Variants in ACSS3 observed in about 807,000 individuals in gnomAD.
ACSS3 encodes acyl-CoA synthetase short chain family member 3, also known as acyl-CoA synthetase short-chain family member 3, mitochondrial.
In ACSS3, 64 loss-of-function variants were observed where a neutral mutation model predicts 84.2. The observed-to-expected ratio is 0.76, with a 90% confidence interval of 0.62 to 0.94. The LOEUF (loss-of-function observed/expected upper bound fraction) is 0.94. ACSS3 is among the 40% of genes least tolerant of loss of function. The pLI is 0.00. For synonymous variants in ACSS3, 317 were observed against 310.1 expected (o/e 1.02, Z -0.23); for missense variants, 815 against 867.6 (o/e 0.94, Z 0.76).
At chr12:81,135,384 A>T in intron 3 of ACSS3, among the ~76,000 whole-genome samples, 1 of 134,800 alleles carries the variant, frequency 7.4e-6, no homozygotes, top group African/African-American at 3.1e-5. Flanking sequence ...TATATAATAT[A>T]TAATACAATA....
chr12:81,152,149 T>C (rs1441247441), intron 7 of ACSS3, 53 bp downstream of exon 7: 23 of 1,491,138 alleles, frequency 1.5e-5, no homozygotes, highest in Non-Finnish European at 2.0e-5. Flanking sequence ...TTATTAAAAC[T>C]TTTCATGAAG....
At chr12:81,078,968 T>A (rs964266614) in intron 1 of ACSS3, among the ~76,000 whole-genome samples, 2 of 152,098 alleles carry the variant, frequency 1.3e-5, no homozygotes, top group African/African-American at 4.8e-5. Context: ...ACTGAGACAG[T>A]GACTGCCAAT....
intron 2 of ACSS3, among the ~76,000 whole-genome samples, chr12:81,118,451 T>C (rs1403786613): frequency 6.6e-6 from 1 of 152,158 alleles, no homozygotes; most frequent in Non-Finnish European, 1.5e-5. Flanking sequence ...GGACATGCTA[T>C]TTTAATATCC....
intron 3 of ACSS3, among the ~76,000 whole-genome samples, chr12:81,138,832 GT>G (rs1337890364): frequency 2.0e-5 from 3 of 152,090 alleles, no homozygotes; most frequent in Admixed American, 2.0e-4. Flanking sequence ...CATTGTACTA[GT>G]TTATGGCAAA....
chr12:81,199,160 G>A (rs2031984710), intron 8 of ACSS3, among the ~76,000 whole-genome samples, 181 bp from the exon 9 acceptor site: 1 of 152,138 alleles, frequency 6.6e-6, no homozygotes, highest in Admixed American at 6.5e-5. Context: ...TGTGATGTAT[G>A]TTTGTTTACA....
chr12:81,090,411 A>C (rs12313364), intron 1 of ACSS3, among the ~76,000 whole-genome samples: 9,852 of 152,044 alleles, frequency 0.065, 790 homozygotes, highest in African/African-American at 0.19. Context: ...GTAATAGGAG[A>C]GTAGGGTTCA....
chr12:81,215,287 A>G (rs77230762), intron 9 of ACSS3, among the ~76,000 whole-genome samples: 256 of 151,520 alleles, frequency 1.7e-3, no homozygotes, highest in Non-Finnish European at 2.7e-3. Context: ...ACTCTTTGTT[A>G]AACATCAGAA....
At chr12:81,237,552 C>T (rs1173214784) in intron 13 of ACSS3, among the ~76,000 whole-genome samples, 2 of 151,328 alleles carry the variant, frequency 1.3e-5, no homozygotes, top group Non-Finnish European at 3.0e-5. Context: ...TAAATCTTAT[C>T]CCGAGTATTT....
At position 81,146,215 on chromosome 12, in the gene ACSS3, T is replaced by A. The variant is rs546720534; in HGVS notation, c.921+2968T>A. On this transcript the variant is annotated intron_variant, in intron 5 of 15. Coordinates refer to ENST00000548058, the MANE Select transcript of ACSS3 (RefSeq NM_024560.4). ...AAAATTTGACCCAGGTAGAGCAGAA[T>A]ATTTGTTGAATGATCTCTTACTTCT... Among the ~76,000 whole-genome samples, 8 of 152,324 alleles carry A rather than the reference T, an allele frequency of 5.3e-5. No individual in the cohort carries two copies. In the East Asian group the frequency reaches 1.5e-3, roughly 29 times the overall value.
intron 11 of ACSS3, among the ~76,000 whole-genome samples, chr12:81,223,861 C>CT (rs1363094809): frequency 6.6e-6 from 1 of 151,806 alleles, no homozygotes; most frequent in Non-Finnish European, 1.5e-5. Flanking sequence ...AAAAATAGAC[C>CT]ATCTTTTATC....
intron 1 of ACSS3, among the ~76,000 whole-genome samples, chr12:81,096,562 G>T (rs1372292878): frequency 6.6e-6 from 1 of 152,096 alleles, no homozygotes; most frequent in East Asian, 1.9e-4. Flanking sequence ...CATGTGGTTT[G>T]CTGCACCGAT....
At chr12:81,158,491 C>T (rs182186629) in intron 7 of ACSS3, 1 of 153,906 alleles carries the variant, frequency 6.5e-6, no homozygotes. Context: ...TACAGCTTTT[C>T]CTAACATCCC....
chr12:81,187,112 A>G (rs560553222), intron 8 of ACSS3, among the ~76,000 whole-genome samples: 19 of 151,480 alleles, frequency 1.3e-4, no homozygotes, highest in Non-Finnish European at 2.7e-4. Flanking sequence ...ACAGAAAAAT[A>G]TTACATCATC....
At chr12:81,198,593 G>GA (rs199979349) in intron 8 of ACSS3, among the ~76,000 whole-genome samples, 301 of 134,690 alleles carry the variant, frequency 2.2e-3, no homozygotes, top group Admixed American at 6.0e-3. Context: ...ATTTGAAAAT[G>GA]AAAAAAAAAA....
At chr12:81,181,091 C>T (rs954122761) in intron 8 of ACSS3, among the ~76,000 whole-genome samples, 2 of 152,144 alleles carry the variant, frequency 1.3e-5, no homozygotes, top group African/African-American at 4.8e-5. Flanking sequence ...ATCCCAGTGT[C>T]ACTGTGACTG....
chr12:81,113,536 A>G (rs1751399166), intron 2 of ACSS3, among the ~76,000 whole-genome samples: 1 of 152,072 alleles, frequency 6.6e-6, no homozygotes, highest in South Asian at 2.1e-4. Flanking sequence ...CTAGAATCTA[A>G]GTTCCACGAA....
intron 7 of ACSS3, among the ~76,000 whole-genome samples, chr12:81,166,253 A>T (rs1375950328): frequency 1.3e-5 from 2 of 152,192 alleles, no homozygotes; most frequent in Non-Finnish European, 2.9e-5. Context: ...ATTGTAAGAG[A>T]TGAAAAGGGA....
chr12:81,259,593 A>G lies in ACSS3; in HGVS notation c.*4671A>G, dbSNP rs1331647194. 6.6e-7 allele frequency: 1 copy of G among 1,518,424 alleles called. No individual in the cohort carries two copies. The highest frequency in any genetic ancestry group is 1.4e-5 in the African/African-American group (1 of 72,558). The allele number at this position is 1,518,424 out of a possible 1,614,324, so 94.1% of individuals were successfully genotyped here. A position where few individuals can be genotyped will look rare whatever the true frequency, so the allele number is the denominator to read the frequency against. ...ATTTCCTTAGAATTCAGTTTTCACA[A>G]AGGTTTTCACTGCTCGTCTTCTTAG... On this transcript the variant is annotated 3_prime_UTR_variant, in exon 16 of 16. Transcript: ENST00000548058.
intron 11 of ACSS3, among the ~76,000 whole-genome samples, chr12:81,225,121 T>C (rs1032069808): frequency 3.3e-5 from 5 of 151,820 alleles, no homozygotes; most frequent in African/African-American, 1.2e-4. Context: ...CTGAGAGTCT[T>C]GGAACATATT....
Sources: allele counts gnomAD v4.1 joint callset (sites outside exome capture counted in the v4.1 genomes callset), GRCh38; gene constraint gnomAD v4.1.1; transcripts MANE v1.5; gene names NCBI Gene and HGNC (gene_info 2026-07-23, HGNC 2026-07-21).